The following PCDHA1 variants were observed in gnomAD, a reference collection of about 807,000 sequenced individuals.
The protein encoded by PCDHA1 is protocadherin alpha-1.
A neutral mutation model predicts 61.3 loss-of-function variants in PCDHA1; 42 were observed. The ratio of observed to expected loss-of-function variants is 0.69; its 90% CI spans 0.54 to 0.89. The LOEUF is 0.89. Among genes scored for constraint, PCDHA1 ranks in the 40% least tolerant of loss-of-function variants. The probability of loss-of-function intolerance (pLI) is 0.00; values close to 1 mark genes in which losing one functional copy is unlikely to be tolerated. For missense variants in PCDHA1, 1,256 were observed against 1,235.3 expected (o/e 1.02, Z -0.25); for synonymous variants, 610 against 553.8 (o/e 1.10, Z -1.43).
At chr5:140,794,183 C>T (rs1414496921) in intron 1 of PCDHA1, among the ~76,000 whole-genome samples, 1 of 152,296 alleles carries the variant, frequency 6.6e-6, no homozygotes, top group South Asian at 2.1e-4. Context: ...ATTATTCAGC[C>T]TTAAAAAGGA....
At chr5:140,869,286 G>A in intron 1 of PCDHA1, 2 of 1,613,616 alleles carry the variant, frequency 1.2e-6, no homozygotes, top group Non-Finnish European at 1.7e-6. Context: ...AGCTGGTGCA[G>A]CGCCTGTTCC....
At position 140,850,659 on chromosome 5, in the gene PCDHA1, C is replaced by T. The variant is rs2150492526; in HGVS notation, c.2394+61975C>T. On this transcript the variant is annotated intron_variant, in intron 1 of 3. Coordinates refer to ENST00000504120, the MANE Select transcript of PCDHA1 (RefSeq NM_018900.4). ...CACGCTGCTGCTGTACACTGTGCTG[C>T]GGTGCTCGGCGATGCCCACCGAGGG... is the stretch of plus-strand genomic sequence containing the variant. 2.2e-5 allele frequency: 35 copies of T among 1,598,248 alleles called. No homozygotes were observed. The South Asian group carries it at 3.1e-4, about 14-fold the overall frequency.
intron 1 of PCDHA1, chr5:140,857,545 C>A (rs782516369): frequency 6.3e-7 from 1 of 1,596,810 alleles, no homozygotes; most frequent in African/African-American, 1.3e-5. Flanking sequence ...GGCGGTTGGG[C>A]GAGCGCTCGC....
intron 1 of PCDHA1, chr5:140,807,395 G>A (rs3822354): frequency 0.38 from 377,068 of 984,498 alleles, 146,379 homozygotes; most frequent in South Asian, 0.45. Context: ...GGCGTCCAAG[G>A]GCCGCGGAGG....
Position 140,857,121 on chromosome 5 carries a change from T to C in PCDHA1, c.2394+68437T>C. 3.1e-6 allele frequency: 5 copies of C among 1,597,978 alleles called. 1 individual carries two copies. Among genetic ancestry groups the C allele is most frequent in the Non-Finnish European group, 4.3e-6 (5 of 1,167,600 alleles). ...ATTGTCACTTCTCTGTCTCTCCCAG[T>C]GAAAGAAGATGCTCAAGTGGGCACC... On this transcript the variant is annotated intron_variant, in intron 1 of 3. Transcript: ENST00000504120.
intron 1 of PCDHA1, chr5:140,861,891 C>T (rs2047126506): frequency 6.5e-6 from 1 of 154,838 alleles, no homozygotes; most frequent in African/African-American, 2.4e-5. Flanking sequence ...CTGACAGGCA[C>T]CAAAGCATTA....
At chr5:140,832,339 T>C (rs2150201116) in intron 1 of PCDHA1, among the ~76,000 whole-genome samples, 1 of 152,330 alleles carries the variant, frequency 6.6e-6, no homozygotes, top group Admixed American at 6.5e-5. Context: ...GACTGAGTTG[T>C]GGTTTGTGTT....
At chr5:140,800,989 A>C in intron 1 of PCDHA1, 1 of 1,373,692 alleles carries the variant, frequency 7.3e-7, no homozygotes, top group Non-Finnish European at 9.4e-7. Context: ...TTTAATACTT[A>C]CACGTTTAGC....
Position 140,829,683 on chromosome 5 carries a change from T to C in PCDHA1, c.2394+40999T>C, listed in dbSNP as rs1554132167. Reference sequence around the variant, plus strand: ...CTGGACCACGAGGAGCTAGAGCTGCTGCAGTTTCAGGTGAGCGCGCGCGAC... The same window carrying C: ...CTGGACCACGAGGAGCTAGAGCTGCCGCAGTTTCAGGTGAGCGCGCGCGAC... On this transcript the variant is annotated intron_variant, in intron 1 of 3. Transcript: ENST00000504120. 6 of 1,613,236 alleles carry C rather than the reference T, an allele frequency of 3.7e-6. No individual in the cohort carries two copies. The East Asian group carries it at 1.3e-4, about 36-fold the overall frequency.
At chr5:140,869,359 G>A in intron 1 of PCDHA1, 1 of 1,614,110 alleles carries the variant, frequency 6.2e-7, no homozygotes, top group Non-Finnish European at 8.5e-7. Context: ...CATTTTGTTT[G>A]TGAATTCTCG....
chr5:140,912,113 A>C (rs1477558453), intron 1 of PCDHA1, among the ~76,000 whole-genome samples: 3 of 152,182 alleles, frequency 2.0e-5, no homozygotes, highest in African/African-American at 7.2e-5. Flanking sequence ...GTAGGCTGGG[A>C]GGCTAAGTCA....
chr5:140,797,196 C>G, intron 1 of PCDHA1: 1 of 1,614,128 alleles, frequency 6.2e-7, no homozygotes, highest in Non-Finnish European at 8.5e-7. Context: ...GCTCCAGCGC[C>G]GTGGGGAGCT....
intron 1 of PCDHA1, chr5:140,797,397 T>C: frequency 6.4e-7 from 1 of 1,557,222 alleles, no homozygotes; most frequent in Non-Finnish European, 8.8e-7. Context: ...TTGTTCTTTT[T>C]AAAAAATTCT....
intron 1 of PCDHA1, among the ~76,000 whole-genome samples, chr5:140,898,705 A>C (rs1351081569): frequency 1.3e-5 from 2 of 152,142 alleles, no homozygotes; most frequent in Admixed American, 1.3e-4. Flanking sequence ...ACTTTAAAGT[A>C]GTTTTTTCCA....
intron 1 of PCDHA1, chr5:140,850,952 A>G (rs890565160): frequency 1.3e-6 from 2 of 1,495,360 alleles, no homozygotes; most frequent in South Asian, 1.3e-5. Context: ...ATTATCGATT[A>G]CTCCCAGGGG....
chr5:140,808,795 C>T (rs1554124792), intron 1 of PCDHA1: 3 of 1,612,472 alleles, frequency 1.9e-6, no homozygotes, highest in Non-Finnish European at 8.5e-7. Flanking sequence ...TTCAGGTGAC[C>T]GCTCGCGATG....
At chr5:140,926,974 G>C (rs145276602) in intron 1 of PCDHA1, 2 of 1,610,140 alleles carry the variant, frequency 1.2e-6, no homozygotes, top group East Asian at 2.2e-5. Context: ...CTCAGTGCCG[G>C]AGGAGACGGA....
chr5:140,836,751 T>C (rs2150269188), intron 1 of PCDHA1: 5 of 1,580,282 alleles, frequency 3.2e-6, no homozygotes, highest in Middle Eastern at 1.7e-4. Flanking sequence ...GAGTCATAAA[T>C]AATCTTGTTT....
intron 1 of PCDHA1, chr5:140,801,558 G>T (rs782460705): frequency 6.2e-7 from 1 of 1,614,160 alleles, no homozygotes; most frequent in Non-Finnish European, 8.5e-7. Context: ...CCATGTGGAG[G>T]TGGAAGTGAA....
Sources: gnomAD v4.1 joint callset for allele counts (sites outside exome capture counted in the v4.1 genomes callset) on GRCh38, gnomAD v4.1.1 for gene constraint, MANE v1.5 for transcripts, NCBI Gene and HGNC (gene_info 2026-07-23, HGNC 2026-07-21) for gene names.